Variants in EML4 observed in about 807,000 individuals in gnomAD.
The protein encoded by EML4 is echinoderm microtubule-associated protein-like 4.
EML4 carries 72 observed loss-of-function variants against 129.0 expected under a neutral mutation model. The observed-to-expected ratio is 0.56, with a 90% CI of 0.46 to 0.68. EML4 has a LOEUF of 0.68. Among genes scored for constraint, EML4 ranks in the 30% least tolerant of loss-of-function variants. The probability of loss-of-function intolerance (pLI) is 0.00; values close to 1 mark genes in which losing one functional copy is unlikely to be tolerated. For missense variants in EML4, 1,363 were observed against 1,190.6 expected (o/e 1.14, Z -2.13); for synonymous variants, 532 against 405.0 (o/e 1.31, Z -3.77).
intron 1 of EML4, among the ~76,000 whole-genome samples, chr2:42,177,632 AACAG>A (rs1440708609): frequency 2.0e-5 from 3 of 152,184 alleles, no homozygotes; most frequent in Non-Finnish European, 2.9e-5. Flanking sequence ...CAAACAAGCA[AACAG>A]ACAAACAAAA....
At position 42,331,597 on chromosome 2, in the gene EML4, T is replaced by C. The variant is rs1233957855; in HGVS notation, c.*1390T>C. 3 of 224,518 alleles carry C rather than the reference T, an allele frequency of 1.3e-5. No individual in the cohort carries two copies. Among genetic ancestry groups the C allele is most frequent in the Non-Finnish European group, 2.7e-5 (3 of 112,408 alleles). The allele number at this position is 224,518 out of a possible 1,614,324, so 13.9% of individuals were successfully genotyped here. On this transcript the variant is annotated 3_prime_UTR_variant, in exon 23 of 23. Coordinates refer to ENST00000318522, the MANE Select transcript of EML4 (RefSeq NM_019063.5). ...TTTGGTCAAATCATGTTTAGAAACT[T>C]TGGATGAGTTAAGAAGTCTTAAGTA...
intron 5 of EML4, 150 bp from the exon 6 acceptor site, chr2:42,264,555 CT>C: frequency 1.6e-6 from 1 of 612,612 alleles, no homozygotes; most frequent in Non-Finnish European, 2.9e-6. Context: ...CAGTGAGAAA[CT>C]TTAAAAAATG....
intron 1 of EML4, among the ~76,000 whole-genome samples, chr2:42,231,959 A>T (rs1259893237): frequency 6.6e-6 from 1 of 152,106 alleles, no homozygotes; most frequent in Non-Finnish European, 1.5e-5. Flanking sequence ...AAAAAAAAAA[A>T]ATTATTTATT....
Position 42,261,188 on chromosome 2 carries a change from G to T in EML4, c.406G>T (p.Asp136Tyr). ...AAAAAAAGAGGAATCTCATTCTAATGATCAAAGTCCACAAATTCGAGCATC... is the reference window on the plus strand; with the variant it reads ...AAAAAAAGAGGAATCTCATTCTAATTATCAAAGTCCACAAATTCGAGCATC... Reference protein sequence around the residue: ...REKKEESHSNDQSPQIRASPS... With the variant: ...REKKEESHSNYQSPQIRASPS... Residue 136 changes from aspartate to tyrosine, a missense_variant, in exon 4 of 23, where the codon GAT becomes TAT. Coordinates refer to ENST00000318522, the MANE Select transcript of EML4 (RefSeq NM_019063.5). The T allele has an allele frequency of 6.2e-7, 1 of 1,613,740 alleles. No individual in the cohort carries two copies.
At chr2:42,195,604 C>T (rs1671855635) in intron 1 of EML4, among the ~76,000 whole-genome samples, 1 of 152,184 alleles carries the variant, frequency 6.6e-6, no homozygotes, top group African/African-American at 2.4e-5. Context: ...TAAACCCAAT[C>T]ATTGGCTTAC....
At chr2:42,170,511 T>G (rs984515451) in intron 1 of EML4, among the ~76,000 whole-genome samples, 6 of 152,180 alleles carry the variant, frequency 3.9e-5, no homozygotes, top group African/African-American at 7.2e-5. Flanking sequence ...TGAAGTGCCT[T>G]TTCAGTGTTC....
chr2:42,273,098 AT>A (rs1221529443), intron 6 of EML4, among the ~76,000 whole-genome samples: 1 of 152,128 alleles, frequency 6.6e-6, no homozygotes, highest in Admixed American at 6.5e-5. Context: ...CAAATTTCTT[AT>A]TTTTAAAAAG....
At chr2:42,216,812 C>T (rs1673223836) in intron 1 of EML4, among the ~76,000 whole-genome samples, 1 of 152,102 alleles carries the variant, frequency 6.6e-6, no homozygotes, top group African/African-American at 2.4e-5. Context: ...AGCTATTGAA[C>T]CAAATTAAAT....
chr2:42,251,406 A>T (rs185548330), intron 2 of EML4, among the ~76,000 whole-genome samples: 27 of 152,374 alleles, frequency 1.8e-4, no homozygotes, highest in Admixed American at 3.9e-4. Flanking sequence ...TACTGTTTAC[A>T]GAGTGCCATT....
chr2:42,222,536 G>A (rs1381518973), intron 1 of EML4, among the ~76,000 whole-genome samples: 1 of 152,056 alleles, frequency 6.6e-6, no homozygotes, highest in Non-Finnish European at 1.5e-5. Context: ...TCCAGTAATT[G>A]GGACAAAGAC....
Position 42,325,005 on chromosome 2 carries a change from G to T in EML4, c.2155-462G>T, listed in dbSNP as rs184214581. ...GGATACCTCCATAGACCATATACGG[G>T]TGCTGTATTCCTCAGCTTCTGAGTT... On this transcript the variant is annotated intron_variant, in intron 19 of 22. Coordinates refer to ENST00000318522, the MANE Select transcript of EML4 (RefSeq NM_019063.5). Among the ~76,000 whole-genome samples the T allele has an allele frequency of 4.6e-3, 705 of 152,254 alleles. 3 individuals are homozygous for T. The highest frequency in any genetic ancestry group is 8.4e-3 in the Admixed American group (128 of 15,304).
Position 42,331,408 on chromosome 2 carries a change from AT to A in EML4, c.*1209del. ...TGCATGTATTATGCATTGGAAAGGT[AT>A]TTTTTTTAAGTTCTGTTGGCTAGCT... On this transcript the variant is annotated 3_prime_UTR_variant, in exon 23 of 23. Coordinates refer to ENST00000318522, the MANE Select transcript of EML4 (RefSeq NM_019063.5). The A allele has an allele frequency of 4.0e-5, 9 of 223,422 alleles. No homozygotes were observed. The highest frequency in any genetic ancestry group is 5.7e-5 in the Admixed American group (1 of 17,444). The allele number at this position is 223,422 out of a possible 1,614,324, so 13.8% of individuals were successfully genotyped here.
intron 3 of EML4, among the ~76,000 whole-genome samples, chr2:42,258,283 T>A (rs1201315835): frequency 6.6e-6 from 1 of 152,140 alleles, no homozygotes. Flanking sequence ...AACTTCTGTT[T>A]TTTGTTTTTG....
chr2:42,288,084 T>C (rs903243088), intron 10 of EML4, 143 bp from the exon 11 acceptor site: 1 of 418,980 alleles, frequency 2.4e-6, no homozygotes, highest in Non-Finnish European at 4.3e-6. Context: ...GTAAATAGTG[T>C]ATTCATTATG....
Position 42,172,277 on chromosome 2 carries a change from G to A in EML4, c.25+2641G>A, listed in dbSNP as rs140793683. Among the ~76,000 whole-genome samples the A allele has an allele frequency of 1.9e-3, 296 of 152,228 alleles. 1 individual carries two copies. The highest frequency in any genetic ancestry group is 6.6e-3 in the African/African-American group (275 of 41,522). On this transcript the variant is annotated intron_variant, in intron 1 of 22. Coordinates refer to ENST00000318522, the MANE Select transcript of EML4 (RefSeq NM_019063.5). ...AGAGATTATTTCAGAGAATCCTATG[G>A]TGACTCATTTTGTGAAGTGAAAACT... is the stretch of plus-strand genomic sequence containing the variant.
chr2:42,223,925 G>A (rs930505294), intron 1 of EML4, among the ~76,000 whole-genome samples: 2 of 151,942 alleles, frequency 1.3e-5, no homozygotes, highest in African/African-American at 2.4e-5. Flanking sequence ...ATACCACTAC[G>A]GGTTCTCCTT....
At chr2:42,309,177 A>C (rs1346311688) in intron 17 of EML4, among the ~76,000 whole-genome samples, 1 of 152,060 alleles carries the variant, frequency 6.6e-6, no homozygotes, top group African/African-American at 2.4e-5. Context: ...AGGCTGAAGC[A>C]GGAGGATCAC....
At chr2:42,267,326 G>T (rs1215917905) in intron 6 of EML4, among the ~76,000 whole-genome samples, 1 of 152,148 alleles carries the variant, frequency 6.6e-6, no homozygotes, top group Non-Finnish European at 1.5e-5. Context: ...ACTGTAAGTT[G>T]TATAGCTATT....
chr2:42,245,068 G>C (rs1263962936), intron 1 of EML4, among the ~76,000 whole-genome samples: 1 of 111,272 alleles, frequency 9.0e-6, no homozygotes, highest in Non-Finnish European at 1.9e-5. Flanking sequence ...AGATGTTATG[G>C]AGTTTTTTGT....
Sources: gnomAD v4.1 joint callset for allele counts (sites outside exome capture counted in the v4.1 genomes callset) on GRCh38, gnomAD v4.1.1 for gene constraint, MANE v1.5 for transcripts, NCBI Gene and HGNC (gene_info 2026-07-23, HGNC 2026-07-21) for gene names.